The following GALNT13 variants were observed in gnomAD, a reference collection of about 807,000 sequenced individuals.
GALNT13 encodes the protein polypeptide N-acetylgalactosaminyltransferase 13.
In GALNT13, 28 loss-of-function variants were observed where a neutral mutation model predicts 64.2. That is an observed-to-expected ratio of 0.44 (90% CI 0.32 to 0.60). GALNT13 has a LOEUF of 0.60. GALNT13 is among the 20% of genes least tolerant of loss of function. The pLI is 0.05. For synonymous variants in GALNT13, 214 were observed against 224.6 expected, an observed-to-expected ratio of 0.95 and a Z score of 0.42; for missense variants, 577 against 669.8, an observed-to-expected ratio of 0.86 and a Z score of 1.53.
At chr2:153,145,874 C>G in the GALNT13 span, among the ~76,000 whole-genome samples, 2 of 151,724 alleles carry the variant, frequency 1.3e-5, no homozygotes, top group Admixed American at 1.3e-4. Flanking sequence ...TAGGTGATTC[C>G]CAGGATCAGA....
At chr2:153,598,927 A>G in the GALNT13 span, among the ~76,000 whole-genome samples, 1 of 152,018 alleles carries the variant, frequency 6.6e-6, no homozygotes, top group Non-Finnish European at 1.5e-5. Flanking sequence ...TAAAGTCACT[A>G]TTCTCTATCC....
the GALNT13 span, among the ~76,000 whole-genome samples, chr2:153,326,851 C>T: frequency 3.3e-5 from 5 of 152,122 alleles, no homozygotes. Flanking sequence ...TTTGGGAGGC[C>T]AAGGCCGGTG....
chr2:153,247,287 C>T, the GALNT13 span, among the ~76,000 whole-genome samples: 1 of 152,188 alleles, frequency 6.6e-6, no homozygotes, highest in African/African-American at 2.4e-5. Context: ...TCAAGTGGAC[C>T]TAACAGACAC....
At chr2:154,233,062 AAG>A (rs1689013485) in intron 4 of GALNT13, among the ~76,000 whole-genome samples, 2 of 151,512 alleles carry the variant, frequency 1.3e-5, no homozygotes, top group African/African-American at 4.8e-5. Context: ...AAAAAAGAAA[AAG>A]AAAAGAAAAA....
intron 4 of GALNT13, among the ~76,000 whole-genome samples, chr2:154,236,639 A>G (rs975742758): frequency 2.0e-5 from 3 of 152,110 alleles, no homozygotes; most frequent in African/African-American, 7.2e-5. Flanking sequence ...TTGGACATCA[A>G]ATATTCCTTT....
chr2:154,346,756 C>T (rs966773602), intron 9 of GALNT13, among the ~76,000 whole-genome samples: 5 of 152,052 alleles, frequency 3.3e-5, no homozygotes, highest in African/African-American at 4.8e-5. Context: ...ATCCTATATT[C>T]ACATAGAACA....
the GALNT13 span, among the ~76,000 whole-genome samples, chr2:153,085,729 G>C: frequency 6.6e-6 from 1 of 152,196 alleles, no homozygotes. Context: ...TGCTGGGGCA[G>C]TACAGAAGAG....
the GALNT13 span, among the ~76,000 whole-genome samples, chr2:153,256,601 T>C: frequency 2.6e-5 from 4 of 152,224 alleles, no homozygotes; most frequent in Non-Finnish European, 4.4e-5. Flanking sequence ...TGTGGTTTTA[T>C]CTACTTTTGG....
intron 2 of GALNT13, among the ~76,000 whole-genome samples, chr2:153,911,005 G>T (rs1444569305): frequency 2.6e-5 from 4 of 152,130 alleles, no homozygotes; most frequent in Admixed American, 6.6e-5. Flanking sequence ...GATCTGTCCA[G>T]TACTGTCAGT....
At chr2:153,977,206 G>T (rs138910594) in intron 3 of GALNT13, among the ~76,000 whole-genome samples, 147 of 152,208 alleles carry the variant, frequency 9.7e-4, no homozygotes, top group Non-Finnish European at 1.7e-3. Flanking sequence ...CTTATTCAAA[G>T]CATAAATGAT....
intron 9 of GALNT13, among the ~76,000 whole-genome samples, chr2:154,381,584 T>C (rs1698273139): frequency 6.6e-6 from 1 of 152,060 alleles, no homozygotes; most frequent in Non-Finnish European, 1.5e-5. Context: ...TAACATAAGA[T>C]GCACAACAAA....
At chr2:153,490,980 A>G in the GALNT13 span, among the ~76,000 whole-genome samples, 1 of 150,732 alleles carries the variant, frequency 6.6e-6, no homozygotes, top group African/African-American at 2.4e-5. Flanking sequence ...AAAAAAAATT[A>G]TAAAGGAATA....
the GALNT13 span, among the ~76,000 whole-genome samples, chr2:153,612,384 T>G: frequency 4.6e-5 from 7 of 152,138 alleles, no homozygotes; most frequent in African/African-American, 1.7e-4. Flanking sequence ...TATAGACACA[T>G]GCACACGTAG....
At chr2:153,122,224 A>T in the GALNT13 span, among the ~76,000 whole-genome samples, 9 of 151,854 alleles carry the variant, frequency 5.9e-5, no homozygotes, top group African/African-American at 2.2e-4. Context: ...CACCCCTTGT[A>T]CCAAGTGCAA....
the GALNT13 span, among the ~76,000 whole-genome samples, chr2:153,841,634 C>T: frequency 6.6e-6 from 1 of 152,112 alleles, no homozygotes; most frequent in African/African-American, 2.4e-5. Flanking sequence ...GAAGTACTCC[C>T]TGAAATACAC....
chr2:153,913,713 C>T lies in GALNT13; in HGVS notation c.-105+12706C>T, dbSNP rs565499754. On this transcript the variant is annotated intron_variant, in intron 2 of 12. Transcript: ENST00000392825. ...ACTCCTACTTTCTGCAGGAGTTCTT[C>T]GGGGCCAGGAATAAGTCCTGGTGAA... Among the ~76,000 whole-genome samples the T allele has an allele frequency of 1.2e-4, 19 of 152,274 alleles. No individual in the cohort carries two copies. The South Asian group carries it at 2.5e-3, about 20-fold the overall frequency.
the GALNT13 span, among the ~76,000 whole-genome samples, chr2:153,272,594 A>C: frequency 6.6e-6 from 1 of 152,338 alleles, no homozygotes; most frequent in Admixed American, 6.5e-5. Flanking sequence ...AATGGAGGTC[A>C]TTAAAAAGTC....
chr2:153,614,539 A>G, the GALNT13 span, among the ~76,000 whole-genome samples: 1 of 152,056 alleles, frequency 6.6e-6, no homozygotes, highest in Non-Finnish European at 1.5e-5. Flanking sequence ...TCAGCTTCCT[A>G]TCTTCAGCTG....
the GALNT13 span, among the ~76,000 whole-genome samples, chr2:153,413,856 A>G: frequency 1.8e-3 from 273 of 152,318 alleles, no homozygotes; most frequent in African/African-American, 6.1e-3. Context: ...TAGAATCCCA[A>G]TCTCTCATAG....
Sources: gnomAD v4.1 joint callset for allele counts (sites outside exome capture counted in the v4.1 genomes callset) on GRCh38, gnomAD v4.1.1 for gene constraint, MANE v1.5 for transcripts, NCBI Gene and HGNC (gene_info 2026-07-23, HGNC 2026-07-21) for gene names.